The following TMEM131L variants were observed in gnomAD, a reference collection of about 807,000 sequenced individuals.
The protein encoded by TMEM131L is transmembrane protein 131-like.
TMEM131L carries 54 observed loss-of-function variants against 192.2 expected under a neutral mutation model. The ratio of observed to expected loss-of-function variants is 0.28; its 90% CI spans 0.23 to 0.35. TMEM131L has a LOEUF of 0.35. Ranked by LOEUF, TMEM131L falls within the 10% of genes least tolerant of loss-of-function variation. The pLI is 1.00. For missense variants in TMEM131L, 1,888 were observed against 1,972.9 expected, an observed-to-expected ratio of 0.96 and a Z score of 0.82; for synonymous variants, 701 against 704.9, an observed-to-expected ratio of 0.99 and a Z score of 0.09.
chr4:153,581,202 C>T (rs1359638352), intron 8 of TMEM131L, among the ~76,000 whole-genome samples: 2 of 152,118 alleles, frequency 1.3e-5, no homozygotes, highest in African/African-American at 2.4e-5. Flanking sequence ...TGCAGTGAGC[C>T]GAGATCGCAC....
intron 2 of TMEM131L, among the ~76,000 whole-genome samples, chr4:153,468,233 G>T (rs1257352532): frequency 6.6e-6 from 1 of 152,146 alleles, no homozygotes; most frequent in African/African-American, 2.4e-5. Flanking sequence ...CATTCAGAGT[G>T]CTGGTTTTGA....
intron 10 of TMEM131L, 105 bp downstream of exon 10, chr4:153,583,353 TTC>T: frequency 1.3e-6 from 1 of 797,162 alleles, no homozygotes; most frequent in South Asian, 1.4e-5. Context: ...ACTATCTTTA[TTC>T]TTTTTTGCTT....
At chr4:153,525,835 C>T (rs139500377) in intron 3 of TMEM131L, among the ~76,000 whole-genome samples, 77 of 151,970 alleles carry the variant, frequency 5.1e-4, no homozygotes, top group East Asian at 1.4e-3. Context: ...GTGGGGCCTG[C>T]GATTCCACAT....
intron 3 of TMEM131L, among the ~76,000 whole-genome samples, chr4:153,479,135 C>T (rs1731748332): frequency 6.6e-6 from 1 of 152,146 alleles, no homozygotes; most frequent in African/African-American, 2.4e-5. Flanking sequence ...TGGAACGGGA[C>T]CAGTGTGAAT....
At chr4:153,558,101 G>GT (rs1319840769) in intron 6 of TMEM131L, among the ~76,000 whole-genome samples, 157 bp from the exon 7 acceptor site, 2 of 152,212 alleles carry the variant, frequency 1.3e-5, no homozygotes, top group African/African-American at 4.8e-5. Context: ...CATTCATTGT[G>GT]TTTTTTGTAG....
intron 4 of TMEM131L, among the ~76,000 whole-genome samples, chr4:153,551,757 G>A (rs779416916): frequency 7.2e-5 from 11 of 152,126 alleles, no homozygotes; most frequent in Non-Finnish European, 1.5e-4. Context: ...AAAATTCTAG[G>A]TGTCTGTTTT....
In TMEM131L at chr4:153,550,059, TTTTC is replaced by T; in HGVS notation, c.240-10_240-7del. The T allele has an allele frequency of 1.4e-6, 2 of 1,401,242 alleles. No individual in the cohort carries two copies. The highest frequency in any genetic ancestry group is 1.9e-6 in the Non-Finnish European group (2 of 1,042,294). 86.8% of individuals were successfully genotyped at this position (1,401,242 alleles called of 1,614,324 possible). Reference sequence around the variant, plus strand: ...AAAACTACAACAAAATCAACCTCTCTTTTCTTTTTTTAGCTTCTCGGACAAACTA... The same window carrying T: ...AAAACTACAACAAAATCAACCTCTCTTTTTTTTAGCTTCTCGGACAAACTA... On this transcript the variant is annotated splice_polypyrimidine_tract_variant and intron_variant, in intron 3 of 34. Transcript: ENST00000409959.
chr4:153,592,444 G>A (rs547467058), intron 17 of TMEM131L, 31 bp from the exon 18 acceptor site: 15 of 1,468,970 alleles, frequency 1.0e-5, no homozygotes, highest in Middle Eastern at 1.7e-4. Flanking sequence ...TGTCCCTCTC[G>A]GGGTTTTAAC....
At chr4:153,526,166 A>G (rs1029783071) in intron 3 of TMEM131L, among the ~76,000 whole-genome samples, 22 of 152,028 alleles carry the variant, frequency 1.4e-4, no homozygotes, top group African/African-American at 5.1e-4. Flanking sequence ...CTGCTACTCC[A>G]CTTTTCTAAC....
rs569646049 is a variant in TMEM131L at position 153,612,529 on chromosome 4, G to A, written c.3567+129G>A. The A allele has an allele frequency of 9.1e-6, 6 of 658,728 alleles. No individual in the cohort carries two copies. The African/African-American group carries it at 9.6e-5, about 11-fold the overall frequency. The allele number at this position is 658,728 out of a possible 1,614,324, so 40.8% of individuals were successfully genotyped here. On this transcript the variant is annotated intron_variant, in intron 26 of 34. Coordinates refer to ENST00000409959, the MANE Select transcript of TMEM131L (RefSeq NM_001131007.2). ...TTAATAACTGGTGAGTTTGATGTGT[G>A]TGTGTTCAGAGAATTTTATTTACCT...
chr4:153,511,626 T>C (rs1426261985), intron 3 of TMEM131L, among the ~76,000 whole-genome samples: 1 of 152,142 alleles, frequency 6.6e-6, no homozygotes, highest in East Asian at 1.9e-4. Flanking sequence ...ACTGAAAAGT[T>C]CTTCCTTTCC....
chr4:153,561,491 A>G lies in TMEM131L; in HGVS notation c.660+3123A>G, dbSNP rs955157470. ...CTCCTATGTTTTCTTCTAAAGTTTT[A>G]TAGTTTACATTTAGGTTTATGACCC... On this transcript the variant is annotated intron_variant, in intron 7 of 34. Transcript: ENST00000409959. Among the ~76,000 whole-genome samples, 14 of 152,284 alleles carry G rather than the reference A, an allele frequency of 9.2e-5. No individual in the cohort carries two copies. In the East Asian group the frequency reaches 1.2e-3, roughly 13 times the overall value.
At chr4:153,585,339 C>A in intron 12 of TMEM131L, 119 bp from the exon 13 acceptor site, 1 of 1,002,644 alleles carries the variant, frequency 1.0e-6, no homozygotes, top group Non-Finnish European at 1.5e-6. Context: ...TTGTCTCTGG[C>A]GCTAGCTTTC....
At chr4:153,521,695 G>T (rs1399441240) in intron 3 of TMEM131L, among the ~76,000 whole-genome samples, 1 of 151,630 alleles carries the variant, frequency 6.6e-6, no homozygotes, top group African/African-American at 2.4e-5. Context: ...CCTCCCTCCC[G>T]CTCAAGCCCG....
At chr4:153,609,679 A>G (rs1469030825) in intron 25 of TMEM131L, among the ~76,000 whole-genome samples, 1 of 152,192 alleles carries the variant, frequency 6.6e-6, no homozygotes, top group Admixed American at 6.5e-5. Context: ...ATGGTTTTGT[A>G]CTGGCTATTA....
At chr4:153,601,900 T>G in intron 21 of TMEM131L, 1 of 249,750 alleles carries the variant, frequency 4.0e-6, no homozygotes, top group Non-Finnish European at 7.5e-6. Context: ...AGTTACTTTT[T>G]GTATCTTGGT....
chr4:153,478,148 TGG>T (rs1731682662), intron 3 of TMEM131L, among the ~76,000 whole-genome samples: 1 of 152,222 alleles, frequency 6.6e-6, no homozygotes, highest in African/African-American at 2.4e-5. Context: ...TGGCTTTTTT[TGG>T]GTTGAGGTCT....
chr4:153,608,341 T>C (rs1732383387), intron 25 of TMEM131L, among the ~76,000 whole-genome samples: 1 of 152,244 alleles, frequency 6.6e-6, no homozygotes, highest in Non-Finnish European at 1.5e-5. Context: ...ACATTCGTTA[T>C]ACGTTCCAGA....
At chr4:153,494,940 G>A (rs1448349126) in intron 3 of TMEM131L, among the ~76,000 whole-genome samples, 2 of 152,228 alleles carry the variant, frequency 1.3e-5, no homozygotes, top group Non-Finnish European at 2.9e-5. Flanking sequence ...GGGGAAGTGT[G>A]AGAGGGGTCT....
Sources: allele counts gnomAD v4.1 joint callset (sites outside exome capture counted in the v4.1 genomes callset), GRCh38; gene constraint gnomAD v4.1.1; transcripts MANE v1.5; gene names NCBI Gene and HGNC (gene_info 2026-07-23, HGNC 2026-07-21).